Variants in RIC1 observed in about 807,000 individuals in gnomAD.
RIC1 encodes the protein RIC1 partner of RAB6A GEF complex, also known as guanine nucleotide exchange factor subunit RIC1.
Under a neutral mutation model 169.0 loss-of-function variants are expected in RIC1, and 88 were observed. The observed-to-expected ratio is 0.52, with a 90% CI of 0.44 to 0.62. RIC1 has a LOEUF of 0.62. Among genes scored for constraint, RIC1 ranks in the 20% least tolerant of loss-of-function variants. RIC1 has a pLI of 0.00. For missense variants in RIC1, 1,877 were observed against 1,725.5 expected, an observed-to-expected ratio of 1.09 and a Z score of -1.56; for synonymous variants, 790 against 601.5, an observed-to-expected ratio of 1.31 and a Z score of -4.59.
chr9:5,766,576 A>G (rs149502173), intron 21 of RIC1, among the ~76,000 whole-genome samples: 57 of 152,228 alleles, frequency 3.7e-4, no homozygotes, highest in African/African-American at 1.2e-3. Context: ...TAGCTCCCAC[A>G]TATCAGTGAG....
At chr9:5,698,632 A>AG (rs1822042200) in intron 3 of RIC1, among the ~76,000 whole-genome samples, 1 of 152,238 alleles carries the variant, frequency 6.6e-6, no homozygotes, top group Non-Finnish European at 1.5e-5. Context: ...GTGGAAAAAA[A>AG]TATGGCAGTT....
At position 5,726,967 on chromosome 9, in the gene RIC1, C is replaced by A. The variant is rs140541479; in HGVS notation, c.721-5421C>A. On this transcript the variant is annotated intron_variant, in intron 6 of 25. Transcript: ENST00000414202. Reference sequence around the variant, plus strand: ...TCCCTTTGTGGGTAACCCGACCTTTCTCTCTGGCTGCCCTTAACATTTTTT... The same window carrying A: ...TCCCTTTGTGGGTAACCCGACCTTTATCTCTGGCTGCCCTTAACATTTTTT... Among the ~76,000 whole-genome samples, 1,428 of 152,312 alleles carry A rather than the reference C, an allele frequency of 9.4e-3. 32 individuals carry two copies. The highest frequency in any genetic ancestry group is 0.033 in the African/African-American group (1,370 of 41,548).
chr9:5,629,903 C>G (rs1177938018), intron 1 of RIC1, among the ~76,000 whole-genome samples: 1 of 152,226 alleles, frequency 6.6e-6, no homozygotes. Context: ...CTTTACCCAG[C>G]GCCAGACTTT....
At chr9:5,632,789 G>A (rs1051364546) in intron 1 of RIC1, among the ~76,000 whole-genome samples, 17 of 152,180 alleles carry the variant, frequency 1.1e-4, no homozygotes, top group Admixed American at 3.9e-4. Flanking sequence ...GTACTGTACT[G>A]AGGGCCCAGA....
At chr9:5,748,336 CAT>C (rs1484520977) in intron 12 of RIC1, among the ~76,000 whole-genome samples, 1 of 152,116 alleles carries the variant, frequency 6.6e-6, no homozygotes, top group East Asian at 1.9e-4. Flanking sequence ...CTTCAGCTCC[CAT>C]GTTATTTTCA....
intron 17 of RIC1, among the ~76,000 whole-genome samples, chr9:5,761,988 C>T (rs566523881): frequency 6.6e-6 from 1 of 152,186 alleles, no homozygotes; most frequent in Non-Finnish European, 1.5e-5. Flanking sequence ...ATTCAAGAAC[C>T]ATAAGTAGTG....
intron 1 of RIC1, among the ~76,000 whole-genome samples, chr9:5,650,496 G>C (rs1393185960): frequency 6.6e-6 from 1 of 152,062 alleles, no homozygotes; most frequent in Non-Finnish European, 1.5e-5. Context: ...GTCCACTGTG[G>C]CCCTGCTACT....
intron 4 of RIC1, among the ~76,000 whole-genome samples, chr9:5,719,767 T>C (rs1457980339): frequency 6.6e-6 from 1 of 152,226 alleles, no homozygotes; most frequent in Non-Finnish European, 1.5e-5. Context: ...TCCATCATTA[T>C]TCAAAGTTTT....
chr9:5,637,608 C>T (rs1309941079), intron 1 of RIC1, among the ~76,000 whole-genome samples: 1 of 152,200 alleles, frequency 6.6e-6, no homozygotes, highest in Admixed American at 6.5e-5. Flanking sequence ...TCCTATCCCC[C>T]CAGTTACCTT....
At chr9:5,714,425 G>T (rs1049063875) in intron 4 of RIC1, among the ~76,000 whole-genome samples, 2 of 152,196 alleles carry the variant, frequency 1.3e-5, no homozygotes, top group South Asian at 2.1e-4. Flanking sequence ...ATGAATAAAG[G>T]TTTTATGACA....
intron 3 of RIC1, among the ~76,000 whole-genome samples, chr9:5,694,426 T>C (rs1449385508): frequency 6.6e-6 from 1 of 152,210 alleles, no homozygotes; most frequent in African/African-American, 2.4e-5. Context: ...ACAAAGTATG[T>C]TAGTGATCTT....
At position 5,695,545 on chromosome 9, in the gene RIC1, A is replaced by G. The variant is rs1403904931; in HGVS notation, c.332+5507A>G. Among the ~76,000 whole-genome samples, 3 of 147,876 alleles carry G rather than the reference A, an allele frequency of 2.0e-5. No individual in the cohort carries two copies. The East Asian group carries it at 5.9e-4, about 29-fold the overall frequency. ...ACACTAGTTCAGTTTAGGTCTTGTC[A>G]CTTTTCTCCTGGATTATTATTATAT... On this transcript the variant is annotated intron_variant, in intron 3 of 25. Transcript: ENST00000414202.
chr9:5,655,907 C>T (rs778811737), intron 1 of RIC1, among the ~76,000 whole-genome samples: 4 of 152,032 alleles, frequency 2.6e-5, no homozygotes, highest in Non-Finnish European at 5.9e-5. Flanking sequence ...CGCTTTGTCA[C>T]CTAGGCTGGA....
intron 8 of RIC1, among the ~76,000 whole-genome samples, chr9:5,742,548 GT>G (rs2130978964): frequency 6.6e-6 from 1 of 151,742 alleles, no homozygotes; most frequent in South Asian, 2.1e-4. Flanking sequence ...CCTTATCCTT[GT>G]TTTACAGAAA....
intron 3 of RIC1, among the ~76,000 whole-genome samples, chr9:5,696,509 C>G (rs181114444): frequency 1.2e-3 from 186 of 152,128 alleles, no homozygotes; most frequent in Admixed American, 3.5e-3. Flanking sequence ...CTATATCCGC[C>G]CCTGTACCCA....
At chr9:5,649,620 C>G (rs1265005761) in intron 1 of RIC1, among the ~76,000 whole-genome samples, 1 of 151,960 alleles carries the variant, frequency 6.6e-6, no homozygotes, top group Non-Finnish European at 1.5e-5. Flanking sequence ...TGTTCTCTAT[C>G]TCACTGAGTG....
chr9:5,727,713 G>A (rs886420567), intron 6 of RIC1, among the ~76,000 whole-genome samples: 6 of 152,156 alleles, frequency 3.9e-5, no homozygotes, highest in African/African-American at 1.4e-4. Context: ...ACATACATAT[G>A]GGGTTTTGGT....
At chr9:5,777,019 G>C (rs1411051272), downstream of RIC1, among the ~76,000 whole-genome samples, 1 of 152,000 alleles carries the variant, frequency 6.6e-6, no homozygotes, top group Non-Finnish European at 1.5e-5. Flanking sequence ...TCACTTCTTG[G>C]CACCAAAGCA....
intron 3 of RIC1, among the ~76,000 whole-genome samples, chr9:5,692,787 A>C (rs1001364397): frequency 5.3e-5 from 8 of 152,092 alleles, no homozygotes; most frequent in Non-Finnish European, 1.2e-4. Context: ...TGGTTTTGAC[A>C]GTGGTATCTT....
Sources: gnomAD v4.1 joint callset for allele counts (sites outside exome capture counted in the v4.1 genomes callset) on GRCh38, gnomAD v4.1.1 for gene constraint, MANE v1.5 for transcripts, NCBI Gene and HGNC (gene_info 2026-07-23, HGNC 2026-07-21) for gene names.